Variants in PCDHA7 observed in about 807,000 individuals in gnomAD.
PCDHA7 encodes the protein protocadherin alpha 7, also known as protocadherin alpha-7.
Under a neutral mutation model 57.2 loss-of-function variants are expected in PCDHA7, and 37 were observed. The observed-to-expected ratio is 0.65, with a 90% CI of 0.50 to 0.85. The LOEUF (loss-of-function observed/expected upper bound fraction) is 0.85. Among genes scored for constraint, PCDHA7 ranks in the 40% least tolerant of loss-of-function variants. PCDHA7 has a pLI of 0.00. For missense variants in PCDHA7, 1,188 were observed against 1,241.8 expected (o/e 0.96, Z 0.65); for synonymous variants, 553 against 558.8 (o/e 0.99, Z 0.15).
chr5:140,929,428 G>A, intron 1 of PCDHA7: 1 of 1,491,484 alleles, frequency 6.7e-7, no homozygotes. Flanking sequence ...TTCATCAATT[G>A]AACTAAACAC....
intron 3 of PCDHA7, 128 bp downstream of exon 3, chr5:140,982,691 C>T: frequency 7.1e-7 from 1 of 1,408,152 alleles, no homozygotes; most frequent in Non-Finnish European, 9.3e-7. Context: ...TTTTTCCATA[C>T]ATACATGATT....
At chr5:140,951,071 C>T (rs246044) in intron 1 of PCDHA7, among the ~76,000 whole-genome samples, 86,232 of 151,532 alleles carry the variant, frequency 0.57, 25,208 homozygotes, top group African/African-American at 0.71. Flanking sequence ...CATTGGCTTT[C>T]TTATATTTTC....
chr5:140,893,689 A>T (rs999117899), intron 1 of PCDHA7, among the ~76,000 whole-genome samples: 1 of 152,192 alleles, frequency 6.6e-6, no homozygotes, highest in Admixed American at 6.5e-5. Flanking sequence ...ATATCATCTC[A>T]TTCTATCCTA....
chr5:140,927,374 A>G (rs1026302775), intron 1 of PCDHA7: 5 of 1,614,100 alleles, frequency 3.1e-6, no homozygotes, highest in Non-Finnish European at 4.2e-6. Context: ...ATACTAAGCT[A>G]CAGCCTAAGC....
chr5:140,933,938 T>C (rs1275274532), intron 1 of PCDHA7, among the ~76,000 whole-genome samples: 1 of 152,108 alleles, frequency 6.6e-6, no homozygotes, highest in Non-Finnish European at 1.5e-5. Context: ...TGACTTTTTT[T>C]CACATCTGCA....
chr5:140,902,657 T>G (rs1331790009), intron 1 of PCDHA7, among the ~76,000 whole-genome samples: 2 of 152,160 alleles, frequency 1.3e-5, no homozygotes, highest in Non-Finnish European at 2.9e-5. Context: ...GGTGCACCTG[T>G]CACCCAAGCA....
At position 140,946,611 on chromosome 5, in the gene PCDHA7, A is replaced by AATATATAT. The variant is rs1554217734; in HGVS notation, c.2356-32324_2356-32317dup. Among the ~76,000 whole-genome samples, 282 of 86,744 alleles carry AATATATAT rather than the reference A, an allele frequency of 3.3e-3. 10 individuals carry two copies. Among genetic ancestry groups the AATATATAT allele is most frequent in the African/African-American group, 0.015 (234 of 15,690 alleles). The allele number at this position is 86,744 out of a possible 152,430, so 56.9% of individuals were successfully genotyped here. A position where few individuals can be genotyped will look rare whatever the true frequency, so the allele number is the denominator to read the frequency against. Reference sequence around the variant, plus strand: ...GGATGAATAGATAAAGAAAATGTGAAATATATATATATATATATATACAAT... The same window carrying AATATATAT: ...GGATGAATAGATAAAGAAAATGTGAAATATATATATATATATATATATATATATACAAT... On this transcript the variant is annotated intron_variant, in intron 1 of 3. Coordinates refer to ENST00000525929, the MANE Select transcript of PCDHA7 (RefSeq NM_018910.3).
intron 1 of PCDHA7, chr5:140,969,580 AT>A: frequency 2.2e-6 from 2 of 914,646 alleles, no homozygotes; most frequent in Non-Finnish European, 3.2e-6. Flanking sequence ...AGAAGTGAGG[AT>A]TAGTCTTAAT....
At chr5:140,863,510 T>C in intron 1 of PCDHA7, 1 of 411,624 alleles carries the variant, frequency 2.4e-6, no homozygotes, top group Non-Finnish European at 4.8e-6. Context: ...TTAGTCCTAG[T>C]GTTCTCCCAT....
rs375332226 is a variant in PCDHA7 at position 141,003,567 on chromosome 5, ACTCCCAAAGTG to A, written c.2504-6057_2504-6047del. Among the ~76,000 whole-genome samples, 186 of 152,020 alleles carry A rather than the reference ACTCCCAAAGTG, an allele frequency of 1.2e-3. 1 individual carries two copies. Among genetic ancestry groups the A allele is most frequent in the African/African-American group, 4.1e-3 (172 of 41,464 alleles). On this transcript the variant is annotated intron_variant, in intron 3 of 3. Coordinates refer to ENST00000525929, the MANE Select transcript of PCDHA7 (RefSeq NM_018910.3). ...GCTTCAAGTGATCCACCTGCCTCAGACTCCCAAAGTGCTGGGATTTTAGATGTGAGCCACCA... is the reference window on the plus strand; with the variant it reads ...GCTTCAAGTGATCCACCTGCCTCAGACTGGGATTTTAGATGTGAGCCACCA...
chr5:140,852,117 T>C, intron 1 of PCDHA7: 1 of 906,144 alleles, frequency 1.1e-6, no homozygotes, highest in Non-Finnish European at 1.3e-6. Context: ...AGGTATGACC[T>C]AATTAAAAAC....
rs144630020 is a variant in PCDHA7, at chr5:140,849,710, C to T, written c.2355+12972C>T. 88 of 1,598,490 alleles carry T rather than the reference C, an allele frequency of 5.5e-5. 7 individuals carry two copies. Among genetic ancestry groups the T allele is most frequent in the Middle Eastern group, 1.7e-4 (1 of 5,908 alleles). ...TGGTGTCCACCTACAAGAATTACTA[C>T]TCGTTGGTGCTGGACAGAGCTCTGG... On this transcript the variant is annotated intron_variant, in intron 1 of 3. Transcript: ENST00000525929.
chr5:140,924,901 A>AAT (rs145282866), intron 1 of PCDHA7, among the ~76,000 whole-genome samples: 9,116 of 79,802 alleles, frequency 0.11, 381 homozygotes, highest in Middle Eastern at 0.21. Context: ...TCTCAAAAAA[A>AAT]AAAATAAAAT....
intron 1 of PCDHA7, among the ~76,000 whole-genome samples, chr5:140,885,515 A>G (rs537252415): frequency 6.6e-6 from 1 of 152,294 alleles, no homozygotes; most frequent in South Asian, 2.1e-4. Context: ...ATGCTGTGCT[A>G]TCATTTCATA....
At chr5:140,920,405 A>T (rs1253203896) in intron 1 of PCDHA7, among the ~76,000 whole-genome samples, 1 of 152,118 alleles carries the variant, frequency 6.6e-6, no homozygotes, top group Non-Finnish European at 1.5e-5. Context: ...TCTTTTTTTA[A>T]TCAGATACAG....
At chr5:140,953,135 G>C (rs1331167155) in intron 1 of PCDHA7, among the ~76,000 whole-genome samples, 2 of 152,126 alleles carry the variant, frequency 1.3e-5, no homozygotes, top group Non-Finnish European at 2.9e-5. Flanking sequence ...CCGTATCACT[G>C]TTATATTTCT....
intron 1 of PCDHA7, among the ~76,000 whole-genome samples, chr5:140,844,419 T>C (rs1779369734): frequency 6.7e-6 from 1 of 149,576 alleles, no homozygotes; most frequent in South Asian, 2.1e-4. Flanking sequence ...AGACATGTTT[T>C]TTATTCTACA....
rs560404461 is a variant in PCDHA7, at chr5:140,857,491, G to T, written c.2355+20753G>T. The T allele has an allele frequency of 3.1e-5, 49 of 1,598,340 alleles. 2 individuals are homozygous for T. The highest frequency in any genetic ancestry group is 2.8e-4 in the South Asian group (25 of 90,546). On this transcript the variant is annotated intron_variant, in intron 1 of 3. Transcript: ENST00000525929. Reference sequence around the variant, plus strand: ...TCTTCACGGTGTCTGCGTGGGACGCGGACGCGCAGGAGAACGCCCTGGTGT... The same window carrying T: ...TCTTCACGGTGTCTGCGTGGGACGCTGACGCGCAGGAGAACGCCCTGGTGT...
rs200630375 is a variant in PCDHA7, at chr5:140,857,325, C to A, written c.2355+20587C>A. 1.8e-5 allele frequency: 28 copies of A among 1,598,630 alleles called. 3 individuals are homozygous for A. The highest frequency in any genetic ancestry group is 3.4e-5 in the Admixed American group (2 of 59,352). Reference sequence around the variant, plus strand: ...TCGGCCTATGAGCTGGTGGTGACCGCGCGGGACGGGGGCTCGCCTCCGCTG... The same window carrying A: ...TCGGCCTATGAGCTGGTGGTGACCGAGCGGGACGGGGGCTCGCCTCCGCTG... On this transcript the variant is annotated intron_variant, in intron 1 of 3. Transcript: ENST00000525929.
Sources: allele counts gnomAD v4.1 joint callset (sites outside exome capture counted in the v4.1 genomes callset), GRCh38; gene constraint gnomAD v4.1.1; transcripts MANE v1.5; gene names NCBI Gene and HGNC (gene_info 2026-07-23, HGNC 2026-07-21).